AGBL4: variants seen among roughly 807,000 people sequenced by gnomAD.
AGBL4 encodes cytosolic carboxypeptidase 6.
AGBL4 carries 58 observed loss-of-function variants against 66.4 expected under a neutral mutation model. The observed-to-expected ratio is 0.87, with a 90% CI of 0.71 to 1.09. AGBL4 has a LOEUF of 1.09. AGBL4 is among the 50% of genes least tolerant of loss of function. The pLI is 0.00. For synonymous variants in AGBL4, 234 were observed against 222.9 expected (o/e 1.05, Z -0.44); for missense variants, 579 against 631.0 (o/e 0.92, Z 0.88).
intron 3 of AGBL4, among the ~76,000 whole-genome samples, chr1:49,654,757 T>C (rs1646085913): frequency 1.3e-5 from 2 of 152,202 alleles, no homozygotes; most frequent in South Asian, 4.1e-4. Flanking sequence ...CCTGCCTTTT[T>C]TTGCTTTCCA....
chr1:48,691,608 T>C (rs1022180693), intron 6 of AGBL4, among the ~76,000 whole-genome samples: 51 of 151,778 alleles, frequency 3.4e-4, no homozygotes, highest in Non-Finnish European at 2.5e-4. Flanking sequence ...CCTCTGAGTA[T>C]CTCCTCCCTT....
intron 5 of AGBL4, among the ~76,000 whole-genome samples, chr1:48,921,902 A>G (rs1654115560): frequency 6.6e-6 from 1 of 152,206 alleles, no homozygotes; most frequent in Non-Finnish European, 1.5e-5. Flanking sequence ...AAGTAGATGT[A>G]ATATTATTTT....
intron 3 of AGBL4, among the ~76,000 whole-genome samples, chr1:49,571,035 T>C (rs1644318942): frequency 6.6e-6 from 1 of 152,084 alleles, no homozygotes; most frequent in Admixed American, 6.6e-5. Context: ...TCTAGCTTCA[T>C]TCTTTTTGCC....
intron 3 of AGBL4, among the ~76,000 whole-genome samples, chr1:49,608,822 G>A (rs1243540637): frequency 1.3e-5 from 2 of 152,000 alleles, no homozygotes; most frequent in African/African-American, 4.8e-5. Context: ...TAGAAACTAC[G>A]ATTTATTGAA....
At chr1:49,223,009 C>A (rs561377057) in intron 4 of AGBL4, among the ~76,000 whole-genome samples, 2 of 151,876 alleles carry the variant, frequency 1.3e-5, no homozygotes, top group South Asian at 4.2e-4. Context: ...ATGTGGAGAG[C>A]CTTTTAATAG....
intron 4 of AGBL4, among the ~76,000 whole-genome samples, chr1:49,239,595 G>A (rs1027914431): frequency 6.6e-6 from 1 of 152,046 alleles, no homozygotes; most frequent in Non-Finnish European, 1.5e-5. Context: ...ATACAAATGA[G>A]TACATACATT....
At chr1:49,039,909 T>A (rs1643896672) in intron 5 of AGBL4, among the ~76,000 whole-genome samples, 1 of 152,016 alleles carries the variant, frequency 6.6e-6, no homozygotes, top group South Asian at 2.1e-4. Flanking sequence ...CAACACTAAA[T>A]GCTGGCAAGG....
At chr1:49,114,943 T>C (rs867477835) in intron 4 of AGBL4, among the ~76,000 whole-genome samples, 10 of 152,144 alleles carry the variant, frequency 6.6e-5, no homozygotes, top group African/African-American at 1.9e-4. Context: ...GTTTGAAATA[T>C]TGCAAGAATT....
intron 1 of AGBL4, among the ~76,000 whole-genome samples, chr1:49,884,950 A>T (rs1453826712): frequency 6.6e-6 from 1 of 151,858 alleles, no homozygotes; most frequent in East Asian, 1.9e-4. Context: ...CTAGAAATAG[A>T]CTTTAGGGCT....
intron 2 of AGBL4, among the ~76,000 whole-genome samples, chr1:49,749,750 TGAA>T (rs1013957157): frequency 1.3e-5 from 2 of 152,168 alleles, no homozygotes; most frequent in African/African-American, 4.8e-5. Flanking sequence ...TGAGAGAATT[TGAA>T]GAATACTTTA....
At chr1:49,738,227 C>T (rs184043708) in intron 2 of AGBL4, among the ~76,000 whole-genome samples, 2 of 152,240 alleles carry the variant, frequency 1.3e-5, no homozygotes, top group Non-Finnish European at 2.9e-5. Flanking sequence ...GCTTTTCCAA[C>T]AGTCTTACTA....
intron 3 of AGBL4, among the ~76,000 whole-genome samples, chr1:49,528,482 T>A (rs1483878167): frequency 1.3e-5 from 2 of 152,090 alleles, no homozygotes; most frequent in Non-Finnish European, 2.9e-5. Context: ...ATTTGTTCAC[T>A]CATCCACTCA....
intron 3 of AGBL4, among the ~76,000 whole-genome samples, chr1:49,381,242 A>G (rs912913639): frequency 2.6e-5 from 4 of 152,228 alleles, no homozygotes; most frequent in Admixed American, 2.6e-4. Context: ...AACACATGAA[A>G]AAATGCTCAC....
chr1:49,268,449 C>CACAA (rs1171386121), intron 3 of AGBL4, among the ~76,000 whole-genome samples: 4 of 142,654 alleles, frequency 2.8e-5, no homozygotes, highest in Non-Finnish European at 6.0e-5. Context: ...CACACACACA[C>CACAA]AAATACAAGA....
intron 1 of AGBL4, among the ~76,000 whole-genome samples, chr1:49,880,477 G>A (rs1478956979): frequency 6.6e-6 from 1 of 152,098 alleles, no homozygotes; most frequent in Non-Finnish European, 1.5e-5. Context: ...CTGCTTGGGG[G>A]TCGGGGTCAG....
chr1:49,097,466 T>A (rs1435578275), intron 4 of AGBL4, among the ~76,000 whole-genome samples: 2 of 152,198 alleles, frequency 1.3e-5, no homozygotes, highest in Non-Finnish European at 2.9e-5. Context: ...TTGTCTAATA[T>A]ACTTAATTTA....
rs185641673 is a variant in AGBL4, at chr1:49,661,512, A to C, written c.282+35801T>G. 4.1e-4 allele frequency among the ~76,000 whole-genome samples: 63 copies of C among 152,238 alleles called. 1 individual carries two copies. Among genetic ancestry groups the C allele is most frequent in the African/African-American group, 1.3e-3 (56 of 41,554 alleles). On this transcript the variant is annotated intron_variant, in intron 3 of 13. Transcript: ENST00000371839. ...TCTCGCTCTTGCACCCTCTCTGACC[A>C]TCTGATACACTGATTACCCCTTTGC... is the stretch of plus-strand genomic sequence containing the variant.
rs188343241 is a variant in AGBL4 at position 48,730,255 on chromosome 1, T to C, written c.635-67014A>G. 5.9e-4 allele frequency among the ~76,000 whole-genome samples: 90 copies of C among 152,212 alleles called. 2 individuals carry two copies. The South Asian group carries it at 0.015, about 25-fold the overall frequency. ...CAGGCCAGGAGAAAACAAACACCCA[T>C]AGTGACTTTGTAGGAACCTGAACCA... is the stretch of plus-strand genomic sequence containing the variant. On this transcript the variant is annotated intron_variant, in intron 6 of 13. Coordinates refer to ENST00000371839, the MANE Select transcript of AGBL4 (RefSeq NM_032785.4).
chr1:49,851,361 AC>A, intron 2 of AGBL4, 34 bp downstream of exon 2: 1 of 1,516,972 alleles, frequency 6.6e-7, no homozygotes, highest in Non-Finnish European at 8.8e-7. Context: ...GCCTTACCAG[AC>A]AAACTTAAAA....
Sources: allele counts gnomAD v4.1 joint callset (sites outside exome capture counted in the v4.1 genomes callset), GRCh38; gene constraint gnomAD v4.1.1; transcripts MANE v1.5; gene names NCBI Gene and HGNC (gene_info 2026-07-23, HGNC 2026-07-21).